Variants in NUP210L observed in about 807,000 individuals in gnomAD.
NUP210L encodes the protein nuclear pore membrane glycoprotein 210-like.
A neutral mutation model predicts 208.5 loss-of-function variants in NUP210L; 74 were observed. That is an observed-to-expected ratio of 0.35 (90% CI 0.29 to 0.43). NUP210L has a LOEUF of 0.43. Ranked by LOEUF, NUP210L falls within the 20% of genes least tolerant of loss-of-function variation. The probability of loss-of-function intolerance (pLI) is 1.00; values close to 1 mark genes in which losing one functional copy is unlikely to be tolerated. For synonymous variants in NUP210L, 780 were observed against 816.9 expected, an observed-to-expected ratio of 0.95 and a Z score of 0.77; for missense variants, 1,843 against 2,289.4, an observed-to-expected ratio of 0.81 and a Z score of 3.98.
intron 12 of NUP210L, among the ~76,000 whole-genome samples, chr1:154,112,035 C>A (rs1175406270): frequency 6.6e-6 from 1 of 151,514 alleles, no homozygotes; most frequent in Non-Finnish European, 1.5e-5. Flanking sequence ...TTAAGCAATT[C>A]TCCTGCCTCA....
At chr1:154,028,669 C>G (rs1652041118) in intron 28 of NUP210L, among the ~76,000 whole-genome samples, 1 of 152,062 alleles carries the variant, frequency 6.6e-6, no homozygotes, top group Non-Finnish European at 1.5e-5. Context: ...ATGAATCCCT[C>G]TCTAGTTACT....
chr1:154,073,323 C>T (rs1654855155), intron 16 of NUP210L, among the ~76,000 whole-genome samples: 1 of 151,948 alleles, frequency 6.6e-6, no homozygotes, highest in Non-Finnish European at 1.5e-5. Flanking sequence ...AGCAATCCTC[C>T]CACCTCGGCC....
intron 2 of NUP210L, among the ~76,000 whole-genome samples, chr1:154,152,182 G>A (rs1659427054): frequency 8.7e-6 from 1 of 114,784 alleles, no homozygotes; most frequent in Non-Finnish European, 1.8e-5. Flanking sequence ...ATTTTATTTT[G>A]TTTTATTGAG....
At chr1:154,041,716 G>A (rs1308728910) in intron 27 of NUP210L, among the ~76,000 whole-genome samples, 2 of 151,904 alleles carry the variant, frequency 1.3e-5, no homozygotes, top group Non-Finnish European at 2.9e-5. Flanking sequence ...TATCATTACA[G>A]GCTAGACTGG....
At chr1:154,033,415 G>A (rs927440025) in intron 27 of NUP210L, among the ~76,000 whole-genome samples, 4 of 152,098 alleles carry the variant, frequency 2.6e-5, no homozygotes, top group Admixed American at 2.0e-4. Flanking sequence ...ATTTTGATTT[G>A]ATTTTTGCAT....
intron 5 of NUP210L, among the ~76,000 whole-genome samples, chr1:154,138,531 G>A (rs1658665676): frequency 6.6e-6 from 1 of 152,104 alleles, no homozygotes; most frequent in Non-Finnish European, 1.5e-5. Context: ...GAAAAGGTAA[G>A]ACTCAATTGT....
chr1:154,119,449 C>T (rs1028420567), intron 10 of NUP210L, among the ~76,000 whole-genome samples: 3 of 151,998 alleles, frequency 2.0e-5, no homozygotes, highest in African/African-American at 4.8e-5. Flanking sequence ...ATCAGCTGAG[C>T]GTGTGGTGCA....
chr1:154,110,420 C>T (rs1051909322), intron 12 of NUP210L, among the ~76,000 whole-genome samples: 25 of 150,436 alleles, frequency 1.7e-4, no homozygotes, highest in African/African-American at 3.5e-4. Context: ...TACAGGGGCA[C>T]GCCACCATGC....
At chr1:154,139,913 T>C in exon 5 of NUP210L, 1 of 1,610,866 alleles carries the variant, frequency 6.2e-7, no homozygotes, top group South Asian at 1.1e-5. Flanking sequence ...CAGCTATATA[T>C]ATTGGGGGAG....
At chr1:154,023,295 T>C (rs763751155) in exon 31 of NUP210L, 12 of 1,603,560 alleles carry the variant, frequency 7.5e-6, no homozygotes, top group Non-Finnish European at 1.0e-5. Flanking sequence ...TCACCGGTGC[T>C]ACCTGTGGGA....
intron 12 of NUP210L, among the ~76,000 whole-genome samples, chr1:154,108,419 C>T (rs752237896): frequency 3.9e-5 from 6 of 152,102 alleles, no homozygotes; most frequent in African/African-American, 9.7e-5. Context: ...CCACCCACCT[C>T]GGCATCCCAA....
chr1:154,139,874 A>G (rs767417753), exon 5 of NUP210L: 2 of 1,613,014 alleles, frequency 1.2e-6, no homozygotes, highest in Non-Finnish European at 8.5e-7. Flanking sequence ...CTAAAATCAC[A>G]TCTCCTTGTT....
At chr1:154,089,454 C>T (rs1365585086) in exon 16 of NUP210L, 2 of 1,614,156 alleles carry the variant, frequency 1.2e-6, no homozygotes, top group Non-Finnish European at 1.7e-6. Context: ...GAGGACATGG[C>T]TGGGCACCAG....
At chr1:154,027,736 A>C in intron 28 of NUP210L, 139 bp from the exon 29 acceptor site, 2 of 583,564 alleles carry the variant, frequency 3.4e-6, no homozygotes, top group Non-Finnish European at 6.0e-6. Context: ...CTAACTTCTA[A>C]TTAGTCTAAA....
chr1:154,146,459 A>G lies in NUP210L; in HGVS notation c.341-2882T>C, dbSNP rs376790572. Among the ~76,000 whole-genome samples the G allele has an allele frequency of 6.6e-5, 10 of 152,238 alleles. 1 individual carries two copies. In the South Asian group the frequency reaches 1.5e-3, roughly 22 times the overall value. On this transcript the variant is annotated intron_variant, in intron 2 of 39. Transcript: ENST00000368559. ...AGCCTGGGCAACATAGTGAGACCTC[A>G]TATCTACAAATAATAAAAAGAATCT...
chr1:154,019,088 A>G lies in NUP210L; in HGVS notation c.4517-19T>C. The G allele has an allele frequency of 6.2e-7, 1 of 1,613,580 alleles. No homozygotes were observed. The highest frequency in any genetic ancestry group is 8.5e-7 in the Non-Finnish European group (1 of 1,179,762). On this transcript the variant is annotated intron_variant, in intron 32 of 39. Transcript: ENST00000368559. ...GGTTCACCTAGGAAAAGACAAGAGAAAACACTTGGCTGAAGCCTTTGATAT... is the reference window on the plus strand; with the variant it reads ...GGTTCACCTAGGAAAAGACAAGAGAGAACACTTGGCTGAAGCCTTTGATAT...
chr1:154,107,374 T>C (rs1374449642), intron 12 of NUP210L, among the ~76,000 whole-genome samples: 1 of 150,878 alleles, frequency 6.6e-6, no homozygotes, highest in Non-Finnish European at 1.5e-5. Context: ...CTTGGGAGGC[T>C]GAGGCAGGAG....
At chr1:154,125,676 A>G (rs1305908506) in intron 10 of NUP210L, among the ~76,000 whole-genome samples, 20 of 4,042 alleles carry the variant, frequency 4.9e-3, no homozygotes, top group African/African-American at 8.6e-3. Flanking sequence ...GAAGGAAGGA[A>G]GGAAGGAAGG....
intron 35 of NUP210L, 104 bp downstream of exon 35, chr1:154,009,864 TTATA>T (rs1650800279): frequency 1.1e-6 from 1 of 886,956 alleles, no homozygotes; most frequent in Admixed American, 3.0e-5. Context: ...GATTCCACAG[TTATA>T]TATCAGATGA....
Sources: gnomAD v4.1 joint callset for allele counts (sites outside exome capture counted in the v4.1 genomes callset) on GRCh38, gnomAD v4.1.1 for gene constraint, MANE v1.5 for transcripts, NCBI Gene and HGNC (gene_info 2026-07-23, HGNC 2026-07-21) for gene names.